Variants in HCK observed in about 807,000 individuals in gnomAD.
The protein encoded by HCK is HCK proto-oncogene, Src family tyrosine kinase, also known as tyrosine-protein kinase HCK.
In HCK, 40 loss-of-function variants were observed where a neutral mutation model predicts 70.4. The observed-to-expected ratio is 0.57, with a 90% CI of 0.44 to 0.74. The LOEUF (loss-of-function observed/expected upper bound fraction) is 0.74. HCK is among the 30% of genes least tolerant of loss of function. The pLI, the probability that HCK is intolerant of heterozygous loss-of-function variation, is 0.00. For synonymous variants in HCK, 245 were observed against 263.2 expected (o/e 0.93, Z 0.67); for missense variants, 568 against 697.2 (o/e 0.81, Z 2.09).
intron 8 of HCK, among the ~76,000 whole-genome samples, chr20:32,086,125 T>C (rs1234384544): frequency 6.6e-6 from 1 of 152,180 alleles, no homozygotes; most frequent in African/African-American, 2.4e-5. Context: ...GTTCACACCA[T>C]TCTCCTGCCT....
At chr20:32,087,796 C>G (rs1456080506) in intron 9 of HCK, among the ~76,000 whole-genome samples, 1 of 152,082 alleles carries the variant, frequency 6.6e-6, no homozygotes, top group Non-Finnish European at 1.5e-5. Flanking sequence ...TGCCTGCCAC[C>G]ATGCCTGGCC....
At position 32,074,669 on chromosome 20, in the gene HCK, G is replaced by A. The variant is rs1459955451; in HGVS notation, c.376G>A (p.Gly126Ser). The change falls in exon 5 of 13, where the codon GGC becomes AGC. Residue 126 changes from glycine to serine, a missense_variant. By Grantham distance (56) the Gly-to-Ser change is moderately conservative. Around this residue, in one of 4 missense-constraint regions of HCK, gnomAD observed 318 missense variants for 336.0 expected, o/e 0.95. Coordinates refer to ENST00000375852, the MANE Select transcript of HCK (RefSeq NM_002110.5). ...TCGATCCCTGGCCACCCGGAAGGAG[G>A]GCTACATCCCAAGCAACTATGTCGC... 3 of 1,614,076 alleles carry A rather than the reference G, an allele frequency of 1.9e-6. No homozygotes were observed. Among genetic ancestry groups the A allele is most frequent in the Non-Finnish European group, 2.5e-6 (3 of 1,179,948 alleles).
chr20:32,095,539 G>T (rs1445817592), intron 11 of HCK, among the ~76,000 whole-genome samples: 3 of 152,164 alleles, frequency 2.0e-5, no homozygotes, highest in African/African-American at 7.2e-5. Context: ...TTACAGGTGT[G>T]AGCCACCATG....
chr20:32,073,523 C>T (rs181314683), intron 3 of HCK, among the ~76,000 whole-genome samples, 162 bp downstream of exon 3: 36 of 152,332 alleles, frequency 2.4e-4, no homozygotes, highest in East Asian at 1.2e-3. Context: ...GTTTCTAGAA[C>T]GCTGTTTAGT....
chr20:32,062,810 G>A (rs937760461), intron 1 of HCK, among the ~76,000 whole-genome samples: 5 of 152,238 alleles, frequency 3.3e-5, no homozygotes, highest in African/African-American at 7.2e-5. Flanking sequence ...CAGGGAACCC[G>A]AGGAGAGGGA....
intron 10 of HCK, among the ~76,000 whole-genome samples, chr20:32,091,809 TA>T (rs5841096): frequency 0.46 from 66,896 of 145,288 alleles, 17,435 homozygotes; most frequent in African/African-American, 0.74. Context: ...TCTTCTCTAT[TA>T]AAAAAAAAAA....
At chr20:32,053,189 G>C (rs1369822583) in intron 1 of HCK, among the ~76,000 whole-genome samples, 1 of 152,162 alleles carries the variant, frequency 6.6e-6, no homozygotes, top group Non-Finnish European at 1.5e-5. Context: ...GTGCGTGTGA[G>C]AGACAGGCTA....
Position 32,101,594 on chromosome 20 carries a change from C to T in HCK, c.*75C>T. On this transcript the variant is annotated 3_prime_UTR_variant, in exon 13 of 13. Transcript: ENST00000375852. The stretch of plus-strand genomic sequence containing the variant: ...GTGGCTCCAGCACCATCCGCCAGGG[C>T]CCACACCCCCTTCCTACTCCCAGAC... 8.1e-7 allele frequency: 1 copy of T among 1,238,188 alleles called. No individual in the cohort carries two copies. Among genetic ancestry groups the T allele is most frequent in the Non-Finnish European group, 1.1e-6 (1 of 874,770 alleles). The allele number at this position is 1,238,188 out of a possible 1,614,324, so 76.7% of individuals were successfully genotyped here. A position where few individuals can be genotyped will look rare whatever the true frequency, so the allele number is the denominator to read the frequency against.
Position 32,053,276 on chromosome 20 carries a change from T to G in HCK, c.62+790T>G, listed in dbSNP as rs995207619. Among the ~76,000 whole-genome samples, 5 of 152,212 alleles carry G rather than the reference T, an allele frequency of 3.3e-5. No homozygotes were observed. The South Asian group carries it at 8.3e-4, about 25-fold the overall frequency. On this transcript the variant is annotated intron_variant, in intron 1 of 12. Coordinates refer to ENST00000375852, the MANE Select transcript of HCK (RefSeq NM_002110.5). ...AGAGGATTTGGCCTTTCTTTGCCTCTGTTTTCACAACTGCAGGATGGGGAG... is the reference window on the plus strand; with the variant it reads ...AGAGGATTTGGCCTTTCTTTGCCTCGGTTTTCACAACTGCAGGATGGGGAG...
chr20:32,087,746 A>T (rs2045809815), intron 9 of HCK, among the ~76,000 whole-genome samples: 1 of 151,848 alleles, frequency 6.6e-6, no homozygotes, highest in South Asian at 2.1e-4. Context: ...GGTTCACGCC[A>T]TTCTCCTGCC....
intron 1 of HCK, among the ~76,000 whole-genome samples, chr20:32,058,523 A>G (rs1271900637): frequency 1.0e-5 from 1 of 98,998 alleles, no homozygotes; most frequent in African/African-American, 3.5e-5. Context: ...CAACAGCAAG[A>G]CTCTGTCAAA....
In HCK at chr20:32,094,775, A is replaced by AAGAAAG. The variant is rs1569010068; in HGVS notation, c.1246+762_1246+763insAAGAGA. ...AAAGAAAGAAAGAAGGAAAGAAAGA[A>AAGAAAG]AGAGAGAGAAAGAGAAAGAAAGAAA... On this transcript the variant is annotated intron_variant, in intron 11 of 12. Coordinates refer to ENST00000375852, the MANE Select transcript of HCK (RefSeq NM_002110.5). Among the ~76,000 whole-genome samples the AAGAAAG allele has an allele frequency of 2.4e-4, 28 of 117,250 alleles. 1 individual carries two copies. The highest frequency in any genetic ancestry group is 1.0e-3 in the African/African-American group (27 of 27,048). 76.9% of individuals were successfully genotyped at this position (117,250 alleles called of 152,430 possible).
intron 1 of HCK, among the ~76,000 whole-genome samples, chr20:32,055,714 A>G (rs1333919968): frequency 6.6e-6 from 1 of 152,234 alleles, no homozygotes; most frequent in Non-Finnish European, 1.5e-5. Context: ...TTTAAAGCGA[A>G]CAATTCAGTG....
intron 2 of HCK, among the ~76,000 whole-genome samples, chr20:32,072,944 T>G (rs1432998045): frequency 1.3e-5 from 2 of 151,738 alleles, no homozygotes. Flanking sequence ...CTACTAAAAA[T>G]ACAAAATTAG....
intron 1 of HCK, among the ~76,000 whole-genome samples, chr20:32,066,726 ATGT>A (rs911854120): frequency 3.9e-5 from 6 of 152,118 alleles, no homozygotes; most frequent in African/African-American, 1.4e-4. Context: ...TCTTATGGTG[ATGT>A]TGTACAAGTT....
Position 32,101,425 on chromosome 20 carries a change from A to C in HCK, c.1487A>C (p.Asn496Thr), listed in dbSNP as rs2046032570. The stretch of plus-strand genomic sequence containing the variant: ...AACATCATGATGCGCTGCTGGAAAA[A>C]CCGTCCGGAGGAGCGGCCGACCTTC... Residue 496 changes from asparagine to threonine, a missense_variant, in exon 13 of 13, where the codon AAC becomes ACC. Transcript: ENST00000375852. 14 of 1,613,920 alleles carry C rather than the reference A, an allele frequency of 8.7e-6. No homozygotes were observed. In the Middle Eastern group the frequency reaches 6.6e-4, roughly 76 times the overall value.
At chr20:32,076,171 A>C (rs1246395518) in intron 5 of HCK, among the ~76,000 whole-genome samples, 1 of 151,988 alleles carries the variant, frequency 6.6e-6, no homozygotes, top group African/African-American at 2.4e-5. Flanking sequence ...AAAAATACAA[A>C]AAAAATTAGC....
intron 5 of HCK, among the ~76,000 whole-genome samples, chr20:32,077,361 C>A (rs2045642003): frequency 1.3e-5 from 2 of 152,182 alleles, no homozygotes; most frequent in Admixed American, 6.5e-5. Context: ...CTTCCCCTCC[C>A]CAGAAGCAAC....
chr20:32,077,619 C>T (rs887396001), intron 5 of HCK, among the ~76,000 whole-genome samples: 10 of 151,738 alleles, frequency 6.6e-5, no homozygotes, highest in South Asian at 2.1e-4. Flanking sequence ...CTCCGCCTCC[C>T]GGGTTCAAGC....
Sources: gnomAD v4.1 joint callset for allele counts (sites outside exome capture counted in the v4.1 genomes callset) on GRCh38, gnomAD v4.1.1 for gene constraint, gnomAD v4.1.1 regional missense constraint, MANE v1.5 for transcripts, NCBI Gene and HGNC (gene_info 2026-07-23, HGNC 2026-07-21) for gene names.